Variants in FMNL3 observed in about 807,000 individuals in gnomAD.
FMNL3 encodes the protein formin like 3.
Under a neutral mutation model 119.6 loss-of-function variants are expected in FMNL3, and 57 were observed. The ratio of observed to expected loss-of-function variants is 0.48; its 90% CI spans 0.39 to 0.59. The LOEUF is 0.59. FMNL3 is among the 20% of genes least tolerant of loss of function. The pLI is 0.00. For synonymous variants in FMNL3, 491 were observed against 507.3 expected (o/e 0.97, Z 0.43); for missense variants, 1,053 against 1,323.5 (o/e 0.80, Z 3.17).
At chr12:49,674,031 C>T (rs1174971683) in intron 1 of FMNL3, among the ~76,000 whole-genome samples, 1 of 152,202 alleles carries the variant, frequency 6.6e-6, no homozygotes, top group African/African-American at 2.4e-5. Flanking sequence ...TGGGGTAGCA[C>T]AGGGGAGGAA....
At chr12:49,667,086 C>T (rs77816261) in intron 2 of FMNL3, among the ~76,000 whole-genome samples, 8,236 of 152,064 alleles carry the variant, frequency 0.054, 522 homozygotes, top group African/African-American at 0.16. Flanking sequence ...GGACCTGGGA[C>T]CACGTCCTAC....
At chr12:49,675,502 C>T (rs1438771264) in intron 1 of FMNL3, among the ~76,000 whole-genome samples, 1 of 152,192 alleles carries the variant, frequency 6.6e-6, no homozygotes, top group Non-Finnish European at 1.5e-5. Context: ...GGCAGTGCTA[C>T]CTCTCAGAGG....
At position 49,650,798 on chromosome 12, in the gene FMNL3, G is replaced by A. The variant is rs920601075; in HGVS notation, c.1878C>T (p.Asn626=). The A allele has an allele frequency of 6.6e-5, 107 of 1,614,098 alleles. No homozygotes were observed. The highest frequency in any genetic ancestry group is 7.9e-5 in the Non-Finnish European group (93 of 1,180,036). ...TGCTGGCAGCTTTTTGCGCTGTCTTGTTTTTGGAGCAGATGAGGTCAAGGG... is the reference window on the plus strand; with the variant it reads ...TGCTGGCAGCTTTTTGCGCTGTCTTATTTTTGGAGCAGATGAGGTCAAGGG... The part of the protein sequence containing the change: ...GPALDLICSK[N]KTAQKAASKV... Residue 626 remains asparagine, a synonymous_variant, in exon 17 of 26, where the codon AAC becomes AAT. Coordinates refer to ENST00000335154, the MANE Select transcript of FMNL3 (RefSeq NM_175736.5).
intron 1 of FMNL3, among the ~76,000 whole-genome samples, chr12:49,671,286 T>A (rs1944039634): frequency 6.6e-6 from 1 of 152,152 alleles, no homozygotes; most frequent in Admixed American, 6.5e-5. Context: ...CTGGTCAAAC[T>A]CTAGATCCCC....
In FMNL3 at chr12:49,693,648, T is replaced by G. The variant is rs1302128585; in HGVS notation, c.126+13407A>C. ...CCTCCCAATCTTGGTTTTTTTTTTT[T>G]TTTTTTTTTTTTTTTTTGAGACAGA... On this transcript the variant is annotated intron_variant, in intron 1 of 25. Coordinates refer to ENST00000335154, the MANE Select transcript of FMNL3 (RefSeq NM_175736.5). 3.1e-5 allele frequency among the ~76,000 whole-genome samples: 4 copies of G among 129,432 alleles called. 1 individual carries two copies. The highest frequency in any genetic ancestry group is 9.1e-5 in the African/African-American group (3 of 32,980). 84.9% of individuals were successfully genotyped at this position (129,432 alleles called of 152,430 possible). A position where few individuals can be genotyped will look rare whatever the true frequency, so the allele number is the denominator to read the frequency against.
At chr12:49,651,326 C>G in intron 15 of FMNL3, 34 bp from the exon 16 acceptor site, 1 of 1,605,914 alleles carries the variant, frequency 6.2e-7, no homozygotes, top group Non-Finnish European at 8.5e-7. Context: ...ACACAGGGGC[C>G]AAGGACACAC....
chr12:49,666,508 T>C (rs1413335912), intron 2 of FMNL3, among the ~76,000 whole-genome samples: 2 of 152,128 alleles, frequency 1.3e-5, no homozygotes, highest in East Asian at 3.9e-4. Flanking sequence ...GATTACAGAG[T>C]TGTGAACAGC....
At chr12:49,673,528 C>G (rs1338260607) in intron 1 of FMNL3, among the ~76,000 whole-genome samples, 1 of 152,288 alleles carries the variant, frequency 6.6e-6, no homozygotes, top group Admixed American at 6.5e-5. Context: ...ACGGCCTCCA[C>G]ATGTCTCTAC....
At chr12:49,699,044 G>A (rs901147691) in intron 1 of FMNL3, among the ~76,000 whole-genome samples, 3 of 152,120 alleles carry the variant, frequency 2.0e-5, no homozygotes, top group Non-Finnish European at 2.9e-5. Context: ...AGTCATTTCC[G>A]AACCGCGATG....
At chr12:49,682,712 C>T (rs1283509607) in intron 1 of FMNL3, among the ~76,000 whole-genome samples, 2 of 152,172 alleles carry the variant, frequency 1.3e-5, no homozygotes, top group African/African-American at 4.8e-5. Context: ...ATAGGTTAAA[C>T]ATACGTAAAG....
chr12:49,639,916 TG>T lies in FMNL3; in HGVS notation c.*5898del, dbSNP rs1158304834. On this transcript the variant is annotated 3_prime_UTR_variant, in exon 26 of 26. Transcript: ENST00000335154. ...ACAGAATAATCGTATAAAGTAGAAA[TG>T]CCTTATCCTGGGATAGCTAAATTTT... 30 of 152,372 alleles carry T rather than the reference TG, an allele frequency of 2.0e-4. No homozygotes were observed. Among genetic ancestry groups the T allele is most frequent in the Non-Finnish European group, 3.2e-4 (22 of 68,036 alleles). The allele number at this position is 152,372 out of a possible 1,614,324, so 9.4% of individuals were successfully genotyped here. A position where few individuals can be genotyped will look rare whatever the true frequency, so the allele number is the denominator to read the frequency against.
chr12:49,655,724 C>T lies in FMNL3; in HGVS notation c.885+680G>A, dbSNP rs114851657. On this transcript the variant is annotated intron_variant, in intron 9 of 25. Transcript: ENST00000335154. ...GCCCTCTCTGAGAGGGGTCTAGAGGCTCCTCTGAGCCTCTGGGCTTCAAGG... is the reference window on the plus strand; with the variant it reads ...GCCCTCTCTGAGAGGGGTCTAGAGGTTCCTCTGAGCCTCTGGGCTTCAAGG... Among the ~76,000 whole-genome samples the T allele has an allele frequency of 3.1e-3, 476 of 152,226 alleles. 4 individuals are homozygous for T. The highest frequency in any genetic ancestry group is 0.011 in the African/African-American group (458 of 41,528).
At chr12:49,687,264 T>C (rs1305502790) in intron 1 of FMNL3, among the ~76,000 whole-genome samples, 3 of 148,170 alleles carry the variant, frequency 2.0e-5, no homozygotes, top group Non-Finnish European at 4.5e-5. Flanking sequence ...CGGCTAATTT[T>C]TGTATTTTTA....
intron 1 of FMNL3, among the ~76,000 whole-genome samples, chr12:49,691,702 C>T (rs1366525504): frequency 6.6e-6 from 1 of 151,942 alleles, no homozygotes; most frequent in Non-Finnish European, 1.5e-5. Flanking sequence ...TGGCTTAGTG[C>T]GAAAAGTAAG....
intron 1 of FMNL3, among the ~76,000 whole-genome samples, chr12:49,682,604 C>T (rs1317207749): frequency 1.3e-5 from 2 of 152,106 alleles, no homozygotes; most frequent in Non-Finnish European, 2.9e-5. Context: ...GCCTTGGCCT[C>T]CCAAAACATT....
rs576334911 is a variant in FMNL3, at chr12:49,675,652, C to T, written c.127-7098G>A. Among the ~76,000 whole-genome samples the T allele has an allele frequency of 9.2e-5, 14 of 152,304 alleles. No homozygotes were observed. The South Asian group carries it at 1.9e-3, about 20-fold the overall frequency. The stretch of plus-strand genomic sequence containing the variant: ...GGGTGGGCCGTTACTGTTCACTTGC[C>T]GCCCTCTGGGATAAGCTTCTAGCTG... On this transcript the variant is annotated intron_variant, in intron 1 of 25. Transcript: ENST00000335154.
intron 5 of FMNL3, among the ~76,000 whole-genome samples, chr12:49,660,250 T>A (rs192444672): frequency 1.8e-3 from 275 of 152,326 alleles, no homozygotes; most frequent in Middle Eastern, 6.8e-3. Flanking sequence ...CCTTCTTTTT[T>A]AAAAACAGAG....
chr12:49,652,177 GGT>G lies in FMNL3; in HGVS notation c.1357_1358del (p.Thr453ProfsTer6), dbSNP rs1943424829. 6.2e-7 allele frequency: 1 copy of G among 1,613,146 alleles called. No individual in the cohort carries two copies. The highest frequency in any genetic ancestry group is 1.3e-5 in the African/African-American group (1 of 74,904). ...TYENTSHQVH[T>X]LRRLIKEKEE... ...CCTTCTCTTTAATGAGCCTCCGCAGGGTGTGCACCTGGTGGCTTGTGTTCTCA... is the reference window on the plus strand; with the variant it reads ...CCTTCTCTTTAATGAGCCTCCGCAGGGTGCACCTGGTGGCTTGTGTTCTCA... On this transcript the variant is annotated frameshift_variant, in exon 14 of 26. Coordinates refer to ENST00000335154, the MANE Select transcript of FMNL3 (RefSeq NM_175736.5). LOFTEE classifies it high-confidence loss of function.
chr12:49,680,281 C>T (rs922450222), intron 1 of FMNL3, among the ~76,000 whole-genome samples: 3 of 152,228 alleles, frequency 2.0e-5, no homozygotes, highest in Admixed American at 6.5e-5. Context: ...TTCCTACTTC[C>T]AGACACATGT....
Sources: gnomAD v4.1 joint callset for allele counts (sites outside exome capture counted in the v4.1 genomes callset) on GRCh38, gnomAD v4.1.1 for gene constraint, MANE v1.5 for transcripts, NCBI Gene and HGNC (gene_info 2026-07-23, HGNC 2026-07-21) for gene names.